The following AP2B1 variants were observed in gnomAD, a reference collection of about 807,000 sequenced individuals.
AP2B1 encodes adaptor related protein complex 2 subunit beta 1, also known as AP-2 complex subunit beta.
Under a neutral mutation model 102.0 loss-of-function variants are expected in AP2B1, and 23 were observed. That is an observed-to-expected ratio of 0.23 (90% CI 0.16 to 0.32). The LOEUF (loss-of-function observed/expected upper bound fraction) is 0.32, where lower values mean the gene tolerates loss of function less well. Ranked by LOEUF, AP2B1 falls within the 10% of genes least tolerant of loss-of-function variation. The pLI, the probability that AP2B1 is intolerant of heterozygous loss-of-function variation, is 1.00. For missense variants in AP2B1, 541 were observed against 1,157.4 expected (o/e 0.47, Z 7.73); for synonymous variants, 381 against 421.2 (o/e 0.90, Z 1.17).
chr17:35,691,180 C>T (rs763288343), intron 18 of AP2B1, among the ~76,000 whole-genome samples: 1 of 152,054 alleles, frequency 6.6e-6, no homozygotes, highest in Non-Finnish European at 1.5e-5. Context: ...GCTGAAGACA[C>T]TAGCTGCAAA....
chr17:35,711,713 C>T lies in AP2B1; in HGVS notation c.2626+1393C>T, dbSNP rs7217000. 6.3e-4 allele frequency among the ~76,000 whole-genome samples: 96 copies of T among 152,298 alleles called. 1 individual carries two copies. Among genetic ancestry groups the T allele is most frequent in the African/African-American group, 2.2e-3 (90 of 41,558 alleles). The stretch of plus-strand genomic sequence containing the variant: ...TTCTTGATCTCCTGACCTTGTGATC[C>T]GCCCGCCTCGGCCTCCCAAAGTGCT... On this transcript the variant is annotated intron_variant, in intron 20 of 21. Coordinates refer to ENST00000610402, the MANE Select transcript of AP2B1 (RefSeq NM_001030006.2).
At chr17:35,623,839 C>G (rs950515622) in intron 5 of AP2B1, among the ~76,000 whole-genome samples, 8 of 152,136 alleles carry the variant, frequency 5.3e-5, no homozygotes, top group African/African-American at 1.9e-4. Flanking sequence ...ATTAAATTAT[C>G]TCGTTTTCAG....
At chr17:35,704,485 C>T (rs1241406207) in intron 18 of AP2B1, among the ~76,000 whole-genome samples, 1 of 152,110 alleles carries the variant, frequency 6.6e-6, no homozygotes, top group African/African-American at 2.4e-5. Context: ...TATTTTCATG[C>T]AACAAATATT....
chr17:35,712,854 A>G (rs1037674911), intron 20 of AP2B1, among the ~76,000 whole-genome samples: 7 of 152,214 alleles, frequency 4.6e-5, no homozygotes, highest in Admixed American at 1.3e-4. Context: ...TAGTAACATC[A>G]TGTGGACCAC....
At chr17:35,702,421 C>A (rs762526042) in intron 18 of AP2B1, among the ~76,000 whole-genome samples, 92 of 152,126 alleles carry the variant, frequency 6.0e-4, no homozygotes, top group Non-Finnish European at 7.9e-4. Context: ...AGGAGTGTAC[C>A]TGCTATGTGC....
chr17:35,613,545 C>G (rs918334043), intron 5 of AP2B1, among the ~76,000 whole-genome samples: 3 of 152,186 alleles, frequency 2.0e-5, no homozygotes, highest in African/African-American at 7.2e-5. Flanking sequence ...AAATCTCACT[C>G]TATTAAGTCC....
chr17:35,659,997 A>T, intron 14 of AP2B1: 1 of 985,408 alleles, frequency 1.0e-6, no homozygotes. Context: ...GACTTTTAAA[A>T]TGCTTTTATT....
At chr17:35,697,211 A>G (rs1178306181) in intron 18 of AP2B1, among the ~76,000 whole-genome samples, 1 of 152,240 alleles carries the variant, frequency 6.6e-6, no homozygotes, top group East Asian at 1.9e-4. Flanking sequence ...AAGTAGGCAG[A>G]GCAAATATTA....
chr17:35,706,874 A>T (rs1008867711), intron 18 of AP2B1, among the ~76,000 whole-genome samples: 1 of 151,266 alleles, frequency 6.6e-6, no homozygotes, highest in Non-Finnish European at 1.5e-5. Flanking sequence ...CTGGTCTCGA[A>T]CTCCTGACCT....
chr17:35,676,434 G>A (rs1475429285), intron 17 of AP2B1, among the ~76,000 whole-genome samples: 3 of 152,090 alleles, frequency 2.0e-5, no homozygotes, highest in Non-Finnish European at 4.4e-5. Flanking sequence ...CTTTTGAAAT[G>A]TGTATATCAG....
chr17:35,629,771 G>C (rs2074413195), intron 9 of AP2B1, among the ~76,000 whole-genome samples: 1 of 152,162 alleles, frequency 6.6e-6, no homozygotes, highest in East Asian at 1.9e-4. Context: ...TCTTTACATG[G>C]AAGACCTCTT....
chr17:35,602,874 A>G (rs554266863), intron 3 of AP2B1, among the ~76,000 whole-genome samples: 20 of 152,204 alleles, frequency 1.3e-4, no homozygotes, highest in Non-Finnish European at 2.8e-4. Context: ...GAATTAAACT[A>G]TTTAGGATCT....
chr17:35,597,386 A>G (rs2073327388), intron 2 of AP2B1, among the ~76,000 whole-genome samples: 1 of 151,996 alleles, frequency 6.6e-6, no homozygotes, highest in Non-Finnish European at 1.5e-5. Flanking sequence ...GAGCCTGGAG[A>G]CCAGGCCTTA....
In AP2B1 at chr17:35,639,892, G is replaced by T. The variant is rs2074717951; in HGVS notation, c.1437+132G>T. 6 of 761,210 alleles carry T rather than the reference G, an allele frequency of 7.9e-6. No individual in the cohort carries two copies. The South Asian group carries it at 1.4e-4, about 17-fold the overall frequency. 47.2% of individuals were successfully genotyped at this position (761,210 alleles called of 1,614,324 possible). On this transcript the variant is annotated intron_variant, in intron 11 of 21. Transcript: ENST00000610402. ...AGTATGTTCATTTTTCTCCCAACAG[G>T]GATGTCTCTTCTCAGTTTTACTAAT...
intron 12 of AP2B1, among the ~76,000 whole-genome samples, chr17:35,642,950 C>T (rs1035821074): frequency 2.0e-5 from 3 of 151,672 alleles, no homozygotes; most frequent in Non-Finnish European, 2.9e-5. Flanking sequence ...ATTGAGCATT[C>T]TAATTTCCTG....
chr17:35,638,254 CAA>C (rs2074666298), intron 10 of AP2B1, among the ~76,000 whole-genome samples: 1 of 152,146 alleles, frequency 6.6e-6, no homozygotes, highest in Admixed American at 6.5e-5. Flanking sequence ...AGAAAGCAAT[CAA>C]GAGCCTGGTT....
chr17:35,704,670 A>C (rs1347922925), intron 18 of AP2B1, among the ~76,000 whole-genome samples: 1 of 152,118 alleles, frequency 6.6e-6, no homozygotes, highest in Non-Finnish European at 1.5e-5. Context: ...TCTTGAACTG[A>C]ACCTTAAGGT....
intron 20 of AP2B1, among the ~76,000 whole-genome samples, chr17:35,711,802 A>G (rs1198779519): frequency 6.6e-6 from 1 of 152,186 alleles, no homozygotes; most frequent in African/African-American, 2.4e-5. Context: ...TTATGGCTCT[A>G]TGTAATATTC....
intron 5 of AP2B1, among the ~76,000 whole-genome samples, chr17:35,619,339 A>T (rs1420494853): frequency 6.6e-6 from 1 of 152,198 alleles, no homozygotes; most frequent in Non-Finnish European, 1.5e-5. Flanking sequence ...AAAAATACAA[A>T]TTGCTTATCA....
Sources: gnomAD v4.1 joint callset for allele counts (sites outside exome capture counted in the v4.1 genomes callset) on GRCh38, gnomAD v4.1.1 for gene constraint, MANE v1.5 for transcripts, NCBI Gene and HGNC (gene_info 2026-07-23, HGNC 2026-07-21) for gene names.